Variants in UGGT2 observed in about 807,000 individuals in gnomAD.
The protein encoded by UGGT2 is UDP-glucose glycoprotein glucosyltransferase 2, also known as UDP-glucose:glycoprotein glucosyltransferase 2.
Under a neutral mutation model 192.1 loss-of-function variants are expected in UGGT2, and 180 were observed. The observed-to-expected ratio is 0.94, with a 90% CI of 0.83 to 1.06. UGGT2 has a LOEUF of 1.06. Among genes scored for constraint, UGGT2 ranks in the 50% least tolerant of loss-of-function variants. UGGT2 has a pLI of 0.00. For missense variants in UGGT2, 1,849 were observed against 1,795.7 expected, an observed-to-expected ratio of 1.03 and a Z score of -0.54; for synonymous variants, 580 against 591.0, an observed-to-expected ratio of 0.98 and a Z score of 0.27.
At chr13:95,842,109 A>G (rs997358740) in intron 36 of UGGT2, among the ~76,000 whole-genome samples, 1 of 152,138 alleles carries the variant, frequency 6.6e-6, no homozygotes, top group Non-Finnish European at 1.5e-5. Context: ...TTTCTGTGAA[A>G]CCATCACATA....
At chr13:95,950,225 C>A (rs1383076938) in intron 12 of UGGT2, among the ~76,000 whole-genome samples, 1 of 152,000 alleles carries the variant, frequency 6.6e-6, no homozygotes, top group Non-Finnish European at 1.5e-5. Context: ...TGACTCCTAT[C>A]CTGCACATAT....
chr13:95,917,809 T>C (rs2048726503), intron 20 of UGGT2, among the ~76,000 whole-genome samples: 1 of 151,990 alleles, frequency 6.6e-6, no homozygotes, highest in African/African-American at 2.4e-5. Context: ...GAATGTTACA[T>C]AATTGTAAAG....
intron 22 of UGGT2, among the ~76,000 whole-genome samples, chr13:95,896,504 A>C (rs1388706246): frequency 6.6e-6 from 1 of 152,148 alleles, no homozygotes; most frequent in Non-Finnish European, 1.5e-5. Context: ...ATGAATCAGC[A>C]GTCTTGGAAA....
At chr13:95,871,642 T>G (rs991390323) in intron 29 of UGGT2, among the ~76,000 whole-genome samples, 1 of 152,232 alleles carries the variant, frequency 6.6e-6, no homozygotes, top group Non-Finnish European at 1.5e-5. Context: ...GCTTACTGCC[T>G]CTGCAACTGC....
At position 96,023,053 on chromosome 13, in the gene UGGT2, T is replaced by G; in HGVS notation, c.472A>C (p.Lys158Gln). 4 of 1,582,326 alleles carry G rather than the reference T, an allele frequency of 2.5e-6. No homozygotes were observed. In the South Asian group the frequency reaches 4.8e-5, roughly 19 times the overall value. ...KINEIKKLLK[K>Q]AASRTRPYLF... ...TTATTAATTTACCTTGAAGCAGCTT[T>G]CTTCAGCAGCTTTTTAATCTCATTA... Residue 158 changes from lysine to glutamine, a missense_variant, in exon 4 of 39, where the codon AAA becomes CAA. Transcript: ENST00000376747.
intron 15 of UGGT2, among the ~76,000 whole-genome samples, chr13:95,946,523 T>G (rs2049875671): frequency 6.6e-6 from 1 of 152,120 alleles, no homozygotes; most frequent in African/African-American, 2.4e-5. Context: ...CATGTGCCGC[T>G]GCACCTGGAA....
At chr13:95,917,095 A>T (rs757994449) in intron 20 of UGGT2, among the ~76,000 whole-genome samples, 1 of 152,168 alleles carries the variant, frequency 6.6e-6, no homozygotes, top group Non-Finnish European at 1.5e-5. Context: ...ACATATAATC[A>T]TCAGATTCTC....
chr13:95,831,696 G>A (rs1224722275), intron 38 of UGGT2, among the ~76,000 whole-genome samples: 9 of 151,662 alleles, frequency 5.9e-5, no homozygotes, highest in South Asian at 2.1e-4. Flanking sequence ...GCTACTATAC[G>A]TTTACTTGTA....
intron 4 of UGGT2, among the ~76,000 whole-genome samples, chr13:96,017,113 T>A (rs1451766136): frequency 6.6e-6 from 1 of 152,196 alleles, no homozygotes; most frequent in Non-Finnish European, 1.5e-5. Flanking sequence ...GCCTGCACCA[T>A]CTCTGTACCT....
At chr13:95,924,048 G>GGGAAT (rs2048935093) in intron 20 of UGGT2, among the ~76,000 whole-genome samples, 2 of 152,136 alleles carry the variant, frequency 1.3e-5, no homozygotes, top group Non-Finnish European at 2.9e-5. Flanking sequence ...CCAACAGATA[G>GGGAAT]CATTTTGGGA....
chr13:95,846,299 C>T (rs1364565217), intron 36 of UGGT2, among the ~76,000 whole-genome samples: 5 of 152,128 alleles, frequency 3.3e-5, no homozygotes, highest in African/African-American at 1.2e-4. Context: ...GCAGCGCGCG[C>T]CTGCAATCCC....
intron 12 of UGGT2, among the ~76,000 whole-genome samples, chr13:95,962,893 G>A (rs576559593): frequency 1.6e-3 from 248 of 152,250 alleles, no homozygotes; most frequent in African/African-American, 5.7e-3. Flanking sequence ...CAATCACGGT[G>A]GGAGGCATGG....
intron 36 of UGGT2, among the ~76,000 whole-genome samples, chr13:95,840,145 C>A (rs1012020424): frequency 6.6e-6 from 1 of 152,148 alleles, no homozygotes; most frequent in Non-Finnish European, 1.5e-5. Flanking sequence ...GCAAAGACTT[C>A]ATGACTAAAA....
intron 10 of UGGT2, chr13:95,983,547 T>A: frequency 1.8e-6 from 1 of 551,778 alleles, no homozygotes. Context: ...CCTTTATTCT[T>A]TATCCTATGA....
chr13:95,936,886 A>C, intron 17 of UGGT2, 38 bp downstream of exon 17: 1 of 1,431,630 alleles, frequency 7.0e-7, no homozygotes, highest in Non-Finnish European at 9.3e-7. Context: ...ATCATTTATA[A>C]ATATTCATCA....
At chr13:95,965,261 A>G (rs2050533820) in intron 12 of UGGT2, among the ~76,000 whole-genome samples, 1 of 150,608 alleles carries the variant, frequency 6.6e-6, no homozygotes, top group African/African-American at 2.5e-5. Flanking sequence ...AAAGGACTAT[A>G]AATCATGCTG....
At chr13:95,848,317 C>T (rs1448896855) in intron 36 of UGGT2, among the ~76,000 whole-genome samples, 1 of 152,180 alleles carries the variant, frequency 6.6e-6, no homozygotes, top group African/African-American at 2.4e-5. Flanking sequence ...TCCAGCTTAT[C>T]AATTATTACT....
In UGGT2 at chr13:95,993,870, G is replaced by A. The variant is rs555501349; in HGVS notation, c.830+2193C>T. Among the ~76,000 whole-genome samples the A allele has an allele frequency of 2.6e-5, 4 of 151,872 alleles. 1 individual carries two copies. Among genetic ancestry groups the A allele is most frequent in the African/African-American group, 9.7e-5 (4 of 41,438 alleles). The stretch of plus-strand genomic sequence containing the variant: ...CATAAACTTTCACTTGTAAATAAGG[G>A]AAAATGTACATGAAATTACAGCCAT... On this transcript the variant is annotated intron_variant, in intron 7 of 38. Transcript: ENST00000376747.
At chr13:95,814,306 G>A (rs970633337) in intron 38 of UGGT2, among the ~76,000 whole-genome samples, 8 of 152,192 alleles carry the variant, frequency 5.3e-5, no homozygotes, top group African/African-American at 1.4e-4. Context: ...GGTTGAACAC[G>A]GCAAGGCCAC....
Sources: allele counts gnomAD v4.1 joint callset (sites outside exome capture counted in the v4.1 genomes callset), GRCh38; gene constraint gnomAD v4.1.1; transcripts MANE v1.5; gene names NCBI Gene and HGNC (gene_info 2026-07-23, HGNC 2026-07-21).